SNTG1: variants seen among roughly 807,000 people sequenced by gnomAD.
The protein encoded by SNTG1 is syntrophin gamma 1.
In SNTG1, 39 loss-of-function variants were observed where a neutral mutation model predicts 74.7. The ratio of observed to expected loss-of-function variants is 0.52; its 90% CI spans 0.40 to 0.68. The LOEUF (loss-of-function observed/expected upper bound fraction) is 0.68. SNTG1 is among the 30% of genes least tolerant of loss of function. The pLI, the probability that SNTG1 is intolerant of heterozygous loss-of-function variation, is 0.00. For missense variants in SNTG1, 685 were observed against 609.5 expected (o/e 1.12, Z -1.30); for synonymous variants, 254 against 217.1 (o/e 1.17, Z -1.49).
chr8:50,755,537 T>C (rs1213162974), intron 18 of SNTG1, among the ~76,000 whole-genome samples: 1 of 151,936 alleles, frequency 6.6e-6, no homozygotes, highest in Admixed American at 6.6e-5. Context: ...TTCCATGTTT[T>C]AGAAATTATA....
chr8:50,345,181 A>C (rs1019570404), intron 2 of SNTG1, among the ~76,000 whole-genome samples: 1 of 152,210 alleles, frequency 6.6e-6, no homozygotes, highest in Non-Finnish European at 1.5e-5. Context: ...CAAAGAGATA[A>C]GTTATCCCCT....
intron 17 of SNTG1, among the ~76,000 whole-genome samples, chr8:50,745,928 A>G (rs911617558): frequency 6.6e-6 from 1 of 151,924 alleles, no homozygotes; most frequent in Non-Finnish European, 1.5e-5. Context: ...GGATGAAAAA[A>G]ATATTCTGTA....
intron 11 of SNTG1, among the ~76,000 whole-genome samples, chr8:50,540,094 T>G (rs1280801435): frequency 6.6e-6 from 1 of 152,120 alleles, no homozygotes; most frequent in African/African-American, 2.4e-5. Context: ...CACAGGGGCT[T>G]CCCATACTTT....
At chr8:50,257,034 C>A (rs1002675377) in intron 2 of SNTG1, among the ~76,000 whole-genome samples, 25 of 151,886 alleles carry the variant, frequency 1.6e-4, no homozygotes, top group Non-Finnish European at 2.6e-4. Context: ...CTTAGGAGTT[C>A]AGTTTAAACC....
At chr8:50,161,612 T>C (rs953355409) in intron 1 of SNTG1, among the ~76,000 whole-genome samples, 6 of 152,164 alleles carry the variant, frequency 3.9e-5, no homozygotes, top group African/African-American at 1.2e-4. Flanking sequence ...TTGTGTGTTC[T>C]GTATGTGTAT....
chr8:50,414,151 T>C (rs2092985837), intron 4 of SNTG1, among the ~76,000 whole-genome samples: 1 of 152,182 alleles, frequency 6.6e-6, no homozygotes, highest in South Asian at 2.1e-4. Context: ...CTTGGCACTC[T>C]ATAAGTATCC....
chr8:50,299,047 G>A (rs1306798162), intron 2 of SNTG1, among the ~76,000 whole-genome samples: 2 of 152,158 alleles, frequency 1.3e-5, no homozygotes, highest in East Asian at 3.9e-4. Context: ...AAATTCCCAT[G>A]GAAACAAATC....
At chr8:50,183,086 T>G (rs1470390740) in intron 2 of SNTG1, among the ~76,000 whole-genome samples, 1 of 152,110 alleles carries the variant, frequency 6.6e-6, no homozygotes, top group African/African-American at 2.4e-5. Context: ...GTTACCTTGC[T>G]CCTCCTTGCT....
chr8:50,262,492 G>T (rs1331461615), intron 2 of SNTG1, among the ~76,000 whole-genome samples: 2 of 152,044 alleles, frequency 1.3e-5, no homozygotes, highest in Non-Finnish European at 2.9e-5. Context: ...CTCACTGCAG[G>T]CTCCGCCTCC....
chr8:50,375,803 G>A (rs184420092), intron 2 of SNTG1, among the ~76,000 whole-genome samples: 43 of 152,262 alleles, frequency 2.8e-4, no homozygotes, highest in Non-Finnish European at 5.0e-4. Flanking sequence ...TTTATTACAT[G>A]TATGTTTTAT....
Position 50,564,141 on chromosome 8 carries a change from T to G in SNTG1, c.810+10962T>G, listed in dbSNP as rs2094503103. Among the ~76,000 whole-genome samples, 6 of 151,134 alleles carry G rather than the reference T, an allele frequency of 4.0e-5. No homozygotes were observed. In the South Asian group the frequency reaches 1.3e-3, roughly 32 times the overall value. On this transcript the variant is annotated intron_variant, in intron 12 of 18. Transcript: ENST00000642720. ...CCGTTTTTTTTTTTTAAAATAGAAATATCACTGACTCCTTTCTGTTTCTCT... is the reference window on the plus strand; with the variant it reads ...CCGTTTTTTTTTTTTAAAATAGAAAGATCACTGACTCCTTTCTGTTTCTCT...
intron 1 of SNTG1, among the ~76,000 whole-genome samples, chr8:49,970,032 A>T (rs1299311626): frequency 2.6e-5 from 4 of 151,996 alleles, no homozygotes; most frequent in African/African-American, 9.7e-5. Context: ...TGCCAATACA[A>T]ATACTTATTA....
intron 18 of SNTG1, among the ~76,000 whole-genome samples, chr8:50,764,389 C>A (rs1439761531): frequency 6.6e-6 from 1 of 151,754 alleles, no homozygotes; most frequent in Non-Finnish European, 1.5e-5. Flanking sequence ...TGTTAGTAAT[C>A]AAAATATATA....
Position 50,481,722 on chromosome 8 carries a change from T to C in SNTG1, c.364-21056T>C, listed in dbSNP as rs548653915. 1.2e-3 allele frequency among the ~76,000 whole-genome samples: 187 copies of C among 152,334 alleles called. 1 individual carries two copies. Among genetic ancestry groups the C allele is most frequent in the African/African-American group, 4.4e-3 (181 of 41,578 alleles). On this transcript the variant is annotated intron_variant, in intron 8 of 18. Coordinates refer to ENST00000642720, the MANE Select transcript of SNTG1 (RefSeq NM_018967.5). Reference sequence around the variant, plus strand: ...TTCCTCATCAATAATTGGAATAAAGTTATGTACTTCTACTTATATCAAGGA... The same window carrying C: ...TTCCTCATCAATAATTGGAATAAAGCTATGTACTTCTACTTATATCAAGGA...
intron 9 of SNTG1, among the ~76,000 whole-genome samples, chr8:50,528,092 G>A (rs897814108): frequency 1.3e-5 from 2 of 151,832 alleles, no homozygotes; most frequent in African/African-American, 4.8e-5. Context: ...TGCAAATAAG[G>A]TTTTGCTTCT....
chr8:50,787,698 A>T (rs1417236055), intron 18 of SNTG1, among the ~76,000 whole-genome samples: 1 of 152,038 alleles, frequency 6.6e-6, no homozygotes, highest in East Asian at 1.9e-4. Flanking sequence ...ATGCCACAAC[A>T]TAGGTGCACC....
chr8:50,614,416 C>A (rs556607466), intron 13 of SNTG1, among the ~76,000 whole-genome samples: 31 of 152,094 alleles, frequency 2.0e-4, no homozygotes, highest in African/African-American at 7.0e-4. Context: ...ATCAAGAGAT[C>A]ATTTTATTTT....
At chr8:50,194,873 T>A (rs1391394342) in intron 2 of SNTG1, among the ~76,000 whole-genome samples, 1 of 152,140 alleles carries the variant, frequency 6.6e-6, no homozygotes, top group African/African-American at 2.4e-5. Flanking sequence ...GTGTCATTAT[T>A]GTCATTCAGT....
At chr8:50,778,849 A>T (rs1585772227) in intron 18 of SNTG1, among the ~76,000 whole-genome samples, 4 of 152,104 alleles carry the variant, frequency 2.6e-5, no homozygotes, top group African/African-American at 9.7e-5. Context: ...CTAACATTTA[A>T]GTCTTTAATC....
Sources: allele counts gnomAD v4.1 joint callset (sites outside exome capture counted in the v4.1 genomes callset), GRCh38; gene constraint gnomAD v4.1.1; transcripts MANE v1.5; gene names NCBI Gene and HGNC (gene_info 2026-07-23, HGNC 2026-07-21).